Variants in MTRF1 observed in about 807,000 individuals in gnomAD.
The protein encoded by MTRF1 is peptide chain release factor 1, mitochondrial.
MTRF1 carries 51 observed loss-of-function variants against 62.9 expected under a neutral mutation model. The observed-to-expected ratio is 0.81, with a 90% CI of 0.65 to 1.02. The LOEUF is 1.02. Among genes scored for constraint, MTRF1 ranks in the 50% least tolerant of loss-of-function variants. MTRF1 has a pLI of 0.00. For missense variants in MTRF1, 446 were observed against 530.0 expected, an observed-to-expected ratio of 0.84 and a Z score of 1.56; for synonymous variants, 158 against 181.9, an observed-to-expected ratio of 0.87 and a Z score of 1.06.
chr13:41,288,271 G>C, the MTRF1 span: 1 of 309,990 alleles, frequency 3.2e-6, no homozygotes. Flanking sequence ...TAGTAGGCAA[G>C]TTTTACTTGT....
At chr13:41,300,579 C>T in the MTRF1 span, among the ~76,000 whole-genome samples, 2 of 149,190 alleles carry the variant, frequency 1.3e-5, no homozygotes, top group East Asian at 2.0e-4. Context: ...CAGCAAGACT[C>T]CGTCTCAAAA....
the MTRF1 span, among the ~76,000 whole-genome samples, chr13:41,286,491 C>A: frequency 6.6e-6 from 1 of 152,154 alleles, no homozygotes; most frequent in African/African-American, 2.4e-5. Context: ...ATAAGTGAAC[C>A]TGCTAACCCA....
chr13:41,267,008 A>G (rs542720043), upstream of MTRF1, among the ~76,000 whole-genome samples: 1 of 151,878 alleles, frequency 6.6e-6, no homozygotes, highest in Non-Finnish European at 1.5e-5. Flanking sequence ...AAAAAAAAAA[A>G]AAAAAAAAAC....
intron 3 of MTRF1, 28 bp downstream of exon 3, chr13:41,254,501 T>C: frequency 3.2e-6 from 5 of 1,555,274 alleles, no homozygotes; most frequent in Non-Finnish European, 4.4e-6. Context: ...ACAGCACTAT[T>C]GAAACTAGTC....
At chr13:41,311,778 C>T in the MTRF1 span, among the ~76,000 whole-genome samples, 7 of 152,326 alleles carry the variant, frequency 4.6e-5, no homozygotes, top group African/African-American at 1.7e-4. Flanking sequence ...CTCCTCCGTG[C>T]GCTTCCTTTC....
rs78366937 is a variant in MTRF1 at position 41,240,164 on chromosome 13, A to G, written c.870+97T>C. On this transcript the variant is annotated intron_variant, in intron 6 of 9. Coordinates refer to ENST00000379480, the MANE Select transcript of MTRF1 (RefSeq NM_004294.4). ...GGCGACAGAGCGAGACTCTGTCTCA[A>G]AAAAAAAAAAAAGGACAGATTTTCC... 1.4e-5 allele frequency: 11 copies of G among 788,792 alleles called. No homozygotes were observed. In the East Asian group the frequency reaches 2.9e-4, roughly 21 times the overall value. 48.9% of individuals were successfully genotyped at this position (788,792 alleles called of 1,614,324 possible).
intron 7 of MTRF1, among the ~76,000 whole-genome samples, chr13:41,230,064 ACTG>A (rs2035240202): frequency 6.6e-6 from 1 of 151,936 alleles, no homozygotes; most frequent in South Asian, 2.1e-4. Context: ...TTCACTGGCC[ACTG>A]CATGCCAGCC....
chr13:41,306,332 C>T, the MTRF1 span, among the ~76,000 whole-genome samples: 2 of 151,178 alleles, frequency 1.3e-5, no homozygotes, highest in East Asian at 2.0e-4. Context: ...TGCAATGAGC[C>T]GAGATCGCGC....
At chr13:41,311,707 C>T in the MTRF1 span, 25 of 897,676 alleles carry the variant, frequency 2.8e-5, no homozygotes, top group South Asian at 2.3e-4. Context: ...TCTTTGTTTA[C>T]CTCGGAGGTC....
chr13:41,288,210 C>G, the MTRF1 span: 1 of 459,648 alleles, frequency 2.2e-6, no homozygotes, highest in Non-Finnish European at 4.3e-6. Flanking sequence ...GAATAATTGT[C>G]AAAGACAATA....
At chr13:41,240,627 A>G (rs2037364235) in intron 5 of MTRF1, among the ~76,000 whole-genome samples, 194 bp from the exon 6 acceptor site, 1 of 152,240 alleles carries the variant, frequency 6.6e-6, no homozygotes, top group African/African-American at 2.4e-5. Context: ...CAGTTTTCCA[A>G]TGTAAATGTA....
the MTRF1 span, among the ~76,000 whole-genome samples, chr13:41,305,246 CG>C: frequency 5.9e-5 from 9 of 152,104 alleles, no homozygotes; most frequent in African/African-American, 2.2e-4. Flanking sequence ...TTTGTAGAGA[CG>C]GGGTCTCACT....
chr13:41,237,218 CAAAAAAA>C (rs11412273), intron 6 of MTRF1, among the ~76,000 whole-genome samples: 3 of 63,894 alleles, frequency 4.7e-5, no homozygotes, highest in African/African-American at 1.4e-4. Context: ...GAATCTGTCT[CAAAAAAA>C]AAAAAAAAAA....
At chr13:41,258,073 C>CT (rs2139166830) in intron 2 of MTRF1, among the ~76,000 whole-genome samples, 1 of 152,300 alleles carries the variant, frequency 6.6e-6, no homozygotes, top group Admixed American at 6.5e-5. Flanking sequence ...TCATAAACTT[C>CT]TACTATACAC....
At chr13:41,290,872 C>T in the MTRF1 span, among the ~76,000 whole-genome samples, 1 of 150,074 alleles carries the variant, frequency 6.7e-6, no homozygotes, top group Admixed American at 6.7e-5. Flanking sequence ...GTGGGTGGAT[C>T]ACCTGAGGTC....
chr13:41,256,606 G>A (rs1388629692), intron 2 of MTRF1, among the ~76,000 whole-genome samples: 1 of 152,016 alleles, frequency 6.6e-6, no homozygotes, highest in Non-Finnish European at 1.5e-5. Context: ...TTACAGGCAT[G>A]AGCCACCGCA....
chr13:41,217,057 T>C lies in MTRF1; in HGVS notation c.*58A>G. 1.1e-6 allele frequency: 1 copy of C among 921,980 alleles called. No homozygotes were observed. 57.1% of individuals were successfully genotyped at this position (921,980 alleles called of 1,614,324 possible). A position where few individuals can be genotyped will look rare whatever the true frequency, so the allele number is the denominator to read the frequency against. ...TCATAATGATTTCCAAGCTTCAGTC[T>C]GCCTCTTGATATAGGTCCATTTCAT... On this transcript the variant is annotated 3_prime_UTR_variant, in exon 10 of 10. Coordinates refer to ENST00000379480, the MANE Select transcript of MTRF1 (RefSeq NM_004294.4).
chr13:41,305,094 G>C, the MTRF1 span, among the ~76,000 whole-genome samples: 2 of 152,180 alleles, frequency 1.3e-5, no homozygotes, highest in Admixed American at 1.3e-4. Flanking sequence ...TCCCCATGTA[G>C]TCAGAGTGAT....
intron 8 of MTRF1, among the ~76,000 whole-genome samples, chr13:41,223,601 A>T (rs1438743856): frequency 1.3e-5 from 2 of 152,206 alleles, no homozygotes; most frequent in African/African-American, 4.8e-5. Context: ...AATCAAATTA[A>T]TCATCTTTCC....
Sources: gnomAD v4.1 joint callset for allele counts (sites outside exome capture counted in the v4.1 genomes callset) on GRCh38, gnomAD v4.1.1 for gene constraint, MANE v1.5 for transcripts, NCBI Gene and HGNC (gene_info 2026-07-23, HGNC 2026-07-21) for gene names.